NRXN3: variants seen among roughly 807,000 people sequenced by gnomAD.
NRXN3 encodes the protein neurexin 3.
In NRXN3, 32 loss-of-function variants were observed where a neutral mutation model predicts 137.6. The ratio of observed to expected loss-of-function variants is 0.23; its 90% confidence interval spans 0.18 to 0.31. The LOEUF (loss-of-function observed/expected upper bound fraction) is 0.31. Among genes scored for constraint, NRXN3 ranks in the 10% least tolerant of loss-of-function variants. The probability of loss-of-function intolerance (pLI) is 1.00; values close to 1 mark genes in which losing one functional copy is unlikely to be tolerated. For missense variants in NRXN3, 1,574 were observed against 2,062.5 expected (o/e 0.76, Z 4.59); for synonymous variants, 798 against 784.5 (o/e 1.02, Z -0.29).
In NRXN3 at chr14:79,853,974, AT is replaced by A. The variant is rs759125669; in HGVS notation, c.4094-7358del. On this transcript the variant is annotated intron_variant, in intron 20 of 20. Transcript: ENST00000335750. Reference sequence around the variant, plus strand: ...AAAGTAAAAATTTGTTAAAGTGCAGATTTTTTTTTTCTTTTTATGTTATGTG... The same window carrying A: ...AAAGTAAAAATTTGTTAAAGTGCAGATTTTTTTTTCTTTTTATGTTATGTG... 5.0e-4 allele frequency: 474 copies of A among 944,348 alleles called. 3 individuals are homozygous for A. Among genetic ancestry groups the A allele is most frequent in the South Asian group, 2.9e-3 (59 of 20,538 alleles). The allele number at this position is 944,348 out of a possible 1,614,324, so 58.5% of individuals were successfully genotyped here.
intron 16 of NRXN3, among the ~76,000 whole-genome samples, chr14:79,661,418 G>A (rs2098532957): frequency 6.6e-6 from 1 of 152,146 alleles, no homozygotes; most frequent in African/African-American, 2.4e-5. Flanking sequence ...CTAAGATCAA[G>A]ACTTCTGCAT....
In NRXN3 at chr14:78,938,119, T is replaced by C. The variant is rs257454; in HGVS notation, c.2276-19123T>C. Among the ~76,000 whole-genome samples the C allele has an allele frequency of 6.9e-4, 105 of 152,382 alleles. 1 individual carries two copies. The East Asian group carries it at 0.011, about 16-fold the overall frequency. On this transcript the variant is annotated intron_variant, in intron 10 of 20. Coordinates refer to ENST00000335750, the MANE Select transcript of NRXN3 (RefSeq NM_001330195.2). ...AAGGATGAATACAGAGGAGATCCTG[T>C]GCTGGACACATTCTCTGTGTTAGTT...
intron 4 of NRXN3, among the ~76,000 whole-genome samples, chr14:78,440,881 C>T (rs2094221966): frequency 6.6e-6 from 1 of 152,146 alleles, no homozygotes; most frequent in Admixed American, 6.5e-5. Flanking sequence ...CTGCTATTTT[C>T]TTGGTGTTTG....
chr14:79,402,649 T>A (rs1335811320), intron 15 of NRXN3, among the ~76,000 whole-genome samples: 1 of 152,214 alleles, frequency 6.6e-6, no homozygotes, highest in African/African-American at 2.4e-5. Flanking sequence ...TCATTCAATT[T>A]TTTAAAAGCA....
intron 15 of NRXN3, among the ~76,000 whole-genome samples, chr14:79,271,591 C>T (rs2079333089): frequency 6.6e-6 from 1 of 150,700 alleles, no homozygotes; most frequent in South Asian, 2.1e-4. Context: ...TTCCTCTTCC[C>T]TTCCCTTCTC....
At chr14:78,453,523 C>G (rs2094601533) in intron 4 of NRXN3, among the ~76,000 whole-genome samples, 1 of 152,234 alleles carries the variant, frequency 6.6e-6, no homozygotes, top group Admixed American at 6.5e-5. Context: ...GAGCATCCCA[C>G]TCAACCAAGA....
At position 78,226,831 on chromosome 14, in the gene NRXN3, T is replaced by G. The variant is rs144096304; in HGVS notation, c.-703-15560T>G. ...AATTGGGGCTTCTACCTTTTGAGGATCATGGAAACTGTATTCAAATTATTA... is the reference window on the plus strand; with the variant it reads ...AATTGGGGCTTCTACCTTTTGAGGAGCATGGAAACTGTATTCAAATTATTA... On this transcript the variant is annotated intron_variant, in intron 1 of 20. Transcript: ENST00000335750. Among the ~76,000 whole-genome samples, 774 of 152,342 alleles carry G rather than the reference T, an allele frequency of 5.1e-3. 4 individuals are homozygous for G. Among genetic ancestry groups the G allele is most frequent in the Admixed American group, 0.01 (160 of 15,300 alleles).
At chr14:78,715,231 C>T (rs1459466270) in intron 8 of NRXN3, 92 bp downstream of exon 8, 2 of 1,456,070 alleles carry the variant, frequency 1.4e-6, no homozygotes, top group Non-Finnish European at 1.8e-6. Flanking sequence ...TCGCACCTAC[C>T]TGCACTTTCT....
intron 15 of NRXN3, among the ~76,000 whole-genome samples, chr14:79,184,473 A>G (rs1310634099): frequency 2.0e-5 from 3 of 152,190 alleles, no homozygotes; most frequent in Non-Finnish European, 4.4e-5. Context: ...AGTAGGTGCT[A>G]TGTCAATAGT....
At chr14:78,717,190 A>G (rs2098437977) in intron 8 of NRXN3, among the ~76,000 whole-genome samples, 1 of 152,206 alleles carries the variant, frequency 6.6e-6, no homozygotes, top group Admixed American at 6.5e-5. Context: ...GGCAGGACAC[A>G]GTGACTGTAG....
At chr14:79,126,178 A>T (rs2056398446) in intron 15 of NRXN3, among the ~76,000 whole-genome samples, 1 of 151,742 alleles carries the variant, frequency 6.6e-6, no homozygotes. Context: ...ATTTTTTTAA[A>T]TTTATTATTA....
At chr14:78,497,582 T>TCATC (rs3036594) in intron 4 of NRXN3, among the ~76,000 whole-genome samples, 9,534 of 150,874 alleles carry the variant, frequency 0.063, 326 homozygotes, top group East Asian at 0.098. Context: ...GTCTGTCCAT[T>TCATC]CATCCATCCA....
chr14:79,243,930 T>A (rs577880796), intron 15 of NRXN3, among the ~76,000 whole-genome samples: 5 of 152,254 alleles, frequency 3.3e-5, no homozygotes, highest in South Asian at 2.1e-4. Context: ...AGGCTCCAGA[T>A]CCCAGCTTTT....
chr14:79,813,330 A>C (rs140008464), intron 20 of NRXN3, among the ~76,000 whole-genome samples: 2 of 152,114 alleles, frequency 1.3e-5, no homozygotes, highest in Admixed American at 1.3e-4. Context: ...GTATATGCAC[A>C]TTCCTGTGTA....
At chr14:79,342,959 G>A (rs570908855) in intron 15 of NRXN3, among the ~76,000 whole-genome samples, 1 of 152,232 alleles carries the variant, frequency 6.6e-6, no homozygotes, top group African/African-American at 2.4e-5. Context: ...AATTTGGCGG[G>A]TAGGGGCTTG....
At chr14:79,752,295 T>C (rs2099000731) in intron 19 of NRXN3, among the ~76,000 whole-genome samples, 1 of 152,122 alleles carries the variant, frequency 6.6e-6, no homozygotes, top group African/African-American at 2.4e-5. Flanking sequence ...CCTGGTTTAG[T>C]CTGTTTTGGT....
intron 4 of NRXN3, among the ~76,000 whole-genome samples, chr14:78,537,384 TATTA>T (rs1389134171): frequency 6.6e-6 from 1 of 152,250 alleles, no homozygotes; most frequent in Non-Finnish European, 1.5e-5. Flanking sequence ...TACATGTGTC[TATTA>T]ATTGGCTGCA....
intron 19 of NRXN3, among the ~76,000 whole-genome samples, chr14:79,768,543 C>A (rs184375091): frequency 1.3e-5 from 2 of 152,254 alleles, no homozygotes; most frequent in Middle Eastern, 3.4e-3. Flanking sequence ...GGTACTCCAA[C>A]GGACCTGCCG....
chr14:79,672,751 C>A lies in NRXN3; in HGVS notation c.3616+8802C>A, dbSNP rs184526944. Among the ~76,000 whole-genome samples the A allele has an allele frequency of 7.9e-5, 12 of 152,028 alleles. No individual in the cohort carries two copies. The East Asian group carries it at 1.8e-3, about 22-fold the overall frequency. On this transcript the variant is annotated intron_variant, in intron 17 of 20. Coordinates refer to ENST00000335750, the MANE Select transcript of NRXN3 (RefSeq NM_001330195.2). ...GCCATAAAATACAATTACCCTGTAC[C>A]GTTTTTCCTCTGCCCCAGAGCTGCC...
Sources: allele counts gnomAD v4.1 joint callset (sites outside exome capture counted in the v4.1 genomes callset), GRCh38; gene constraint gnomAD v4.1.1; transcripts MANE v1.5; gene names NCBI Gene and HGNC (gene_info 2026-07-23, HGNC 2026-07-21).